KANK1: variants seen among roughly 807,000 people sequenced by gnomAD.
The protein encoded by KANK1 is KN motif and ankyrin repeat domain-containing protein 1.
KANK1 carries 109 observed loss-of-function variants against 106.2 expected under a neutral mutation model. The ratio of observed to expected loss-of-function variants is 1.03; its 90% CI spans 0.88 to 1.20. KANK1 has a LOEUF of 1.20. Ranked by LOEUF, KANK1 falls within the 50% of genes most tolerant of loss-of-function variation. The pLI is 0.00. For missense variants in KANK1, 2,399 were observed against 1,710.7 expected, an observed-to-expected ratio of 1.40 and a Z score of -7.10; for synonymous variants, 873 against 652.2, an observed-to-expected ratio of 1.34 and a Z score of -5.16.
chr9:704,844 T>C (rs1823600335), intron 2 of KANK1, among the ~76,000 whole-genome samples: 1 of 151,762 alleles, frequency 6.6e-6, no homozygotes, highest in Non-Finnish European at 1.5e-5. Flanking sequence ...AAATTAAAAT[T>C]AGCCAGGCGT....
chr9:728,828 CCAAT>C (rs1228755702), intron 3 of KANK1, among the ~76,000 whole-genome samples: 4 of 152,178 alleles, frequency 2.6e-5, no homozygotes, highest in East Asian at 1.9e-4. Context: ...CAACCATTTG[CCAAT>C]CAGAGTATCT....
intron 1 of KANK1, among the ~76,000 whole-genome samples, chr9:552,969 A>AC (rs1254129860): frequency 6.6e-6 from 1 of 152,054 alleles, no homozygotes; most frequent in Non-Finnish European, 1.5e-5. Flanking sequence ...ACATAGCGAG[A>AC]CCCCTTCTCT....
chr9:645,586 T>TA (rs973662811), intron 1 of KANK1, among the ~76,000 whole-genome samples: 1 of 150,826 alleles, frequency 6.6e-6, no homozygotes, highest in Non-Finnish European at 1.5e-5. Context: ...TTCATTTTTT[T>TA]AAATATGACT....
chr9:631,880 C>G (rs1835829908), intron 1 of KANK1, among the ~76,000 whole-genome samples: 2 of 152,196 alleles, frequency 1.3e-5, no homozygotes, highest in African/African-American at 4.8e-5. Context: ...TCAGATAACC[C>G]TTCTTCACAT....
At chr9:595,143 G>T (rs1825897110) in intron 1 of KANK1, among the ~76,000 whole-genome samples, 1 of 151,792 alleles carries the variant, frequency 6.6e-6, no homozygotes, top group Non-Finnish European at 1.5e-5. Flanking sequence ...GCCCGGCATG[G>T]TGGCACATGA....
At chr9:735,422 C>A (rs1833519335) in intron 7 of KANK1, among the ~76,000 whole-genome samples, 1 of 152,156 alleles carries the variant, frequency 6.6e-6, no homozygotes, top group African/African-American at 2.4e-5. Flanking sequence ...CAACATAGGA[C>A]ACAAGTATTT....
At chr9:520,029 G>A (rs958940332) in intron 1 of KANK1, among the ~76,000 whole-genome samples, 2 of 151,640 alleles carry the variant, frequency 1.3e-5, no homozygotes, top group African/African-American at 4.9e-5. Context: ...CATACTTATG[G>A]CAGAGGGTAA....
chr9:660,781 C>T, intron 1 of KANK1, among the ~76,000 whole-genome samples: 1 of 152,120 alleles, frequency 6.6e-6, no homozygotes, highest in African/African-American at 2.4e-5. Flanking sequence ...CTTTGGTGGT[C>T]AAAGAAAGAT....
chr9:678,770 A>G (rs960886350), intron 2 of KANK1, among the ~76,000 whole-genome samples: 2 of 152,116 alleles, frequency 1.3e-5, no homozygotes, highest in African/African-American at 4.8e-5. Flanking sequence ...CTCCAGTAAA[A>G]TATTTGGTGA....
At chr9:476,124 A>G (rs1332808820) in intron 3 of KANK1, among the ~76,000 whole-genome samples, 1 of 151,766 alleles carries the variant, frequency 6.6e-6, no homozygotes, top group East Asian at 1.9e-4. Context: ...AGCCTGGGCA[A>G]CAAGAGCAAA....
intron 1 of KANK1, among the ~76,000 whole-genome samples, chr9:561,728 T>C (rs1458072221): frequency 6.6e-6 from 1 of 152,248 alleles, no homozygotes; most frequent in African/African-American, 2.4e-5. Context: ...CTAAGGCTCC[T>C]TAAAAAATGC....
intron 1 of KANK1, among the ~76,000 whole-genome samples, chr9:584,378 A>G (rs1225482818): frequency 6.6e-6 from 1 of 152,188 alleles, no homozygotes; most frequent in East Asian, 1.9e-4. Flanking sequence ...TATCCTCATG[A>G]TTTTTATTTT....
chr9:573,707 A>G (rs556531473), intron 1 of KANK1, among the ~76,000 whole-genome samples: 50 of 152,130 alleles, frequency 3.3e-4, no homozygotes, highest in Non-Finnish European at 7.2e-4. Context: ...GACGTTTTCT[A>G]GCTCAACACT....
intron 1 of KANK1, among the ~76,000 whole-genome samples, chr9:577,290 C>T (rs1009380375): frequency 2.0e-5 from 3 of 152,134 alleles, no homozygotes; most frequent in Non-Finnish European, 4.4e-5. Context: ...TTACAGAGAG[C>T]TGATTGATCC....
Position 526,722 on chromosome 9 carries a change from A to G in KANK1, c.-84+21968A>G, listed in dbSNP as rs1478732757. ...CTCTCCTCAGAGGAATCTCTCATCT[A>G]TCTTCTGATGTTGAACCATAAGAAA... is the stretch of plus-strand genomic sequence containing the variant. On this transcript the variant is annotated intron_variant, in intron 1 of 11. Coordinates refer to ENST00000382297, the MANE Select transcript of KANK1 (RefSeq NM_015158.5). Among the ~76,000 whole-genome samples the G allele has an allele frequency of 4.0e-5, 6 of 151,722 alleles. 1 individual carries two copies. Among genetic ancestry groups the G allele is most frequent in the African/African-American group, 1.2e-4 (5 of 41,040 alleles).
At chr9:498,472 G>T (rs1215501360) in intron 3 of KANK1, among the ~76,000 whole-genome samples, 2 of 152,204 alleles carry the variant, frequency 1.3e-5, no homozygotes, top group Admixed American at 1.3e-4. Context: ...CTGTCAGTAG[G>T]ATAGTCCTCC....
At chr9:725,271 T>C (rs1259695287) in intron 3 of KANK1, among the ~76,000 whole-genome samples, 1 of 151,978 alleles carries the variant, frequency 6.6e-6, no homozygotes, top group African/African-American at 2.4e-5. Context: ...TTAGGTGATA[T>C]CCCTTGAGGT....
chr9:587,024 C>G (rs1482354058), intron 1 of KANK1, among the ~76,000 whole-genome samples: 1 of 152,170 alleles, frequency 6.6e-6, no homozygotes, highest in Non-Finnish European at 1.5e-5. Flanking sequence ...GAATGATGGT[C>G]ACTATACTGG....
intron 8 of KANK1, 119 bp from the exon 9 acceptor site, chr9:740,673 C>T (rs1040551573): frequency 3.5e-6 from 4 of 1,143,722 alleles, no homozygotes; most frequent in African/African-American, 1.6e-5. Flanking sequence ...TCTTGGTCTC[C>T]AGCCACCTGG....
Sources: gnomAD v4.1 joint callset for allele counts (sites outside exome capture counted in the v4.1 genomes callset) on GRCh38, gnomAD v4.1.1 for gene constraint, MANE v1.5 for transcripts, NCBI Gene and HGNC (gene_info 2026-07-23, HGNC 2026-07-21) for gene names.